KLF8: variants seen among roughly 807,000 people sequenced by gnomAD.
The protein encoded by KLF8 is KLF transcription factor 8, also known as Krueppel-like factor 8.
Under a neutral mutation model 18.2 loss-of-function variants are expected in KLF8, and 10 were observed. That is an observed-to-expected ratio of 0.55 (90% CI 0.34 to 0.93). The LOEUF (loss-of-function observed/expected upper bound fraction) is 0.93, where lower values mean the gene tolerates loss of function less well. KLF8 is among the 40% of genes least tolerant of loss of function. The pLI is 0.02. For synonymous variants in KLF8, 109 were observed against 97.3 expected (o/e 1.12, Z -0.71); for missense variants, 264 against 277.9 (o/e 0.95, Z 0.36).
chrX:56,035,874 C>G, the KLF8 span, among the ~76,000 whole-genome samples: 3 of 111,572 alleles, frequency 2.7e-5, no homozygotes, highest in Non-Finnish European at 3.8e-5. Flanking sequence ...GGATGTTGAT[C>G]CCCTGTCAGA....
chrX:56,257,768 G>A (rs757497267), intron 2 of KLF8, among the ~76,000 whole-genome samples: 39 of 112,309 alleles, frequency 3.5e-4, no homozygotes, highest in Non-Finnish European at 3.8e-5. Context: ...ATCGATGGGC[G>A]CTTACGTTGA....
Position 56,265,516 on chromosome X carries a change from A to C in KLF8, c.418A>C (p.Thr140Pro), listed in dbSNP as rs1314515814. The C allele has an allele frequency of 3.3e-6, 4 of 1,211,474 alleles. No individual in the cohort carries two copies. Among genetic ancestry groups the C allele is most frequent in the Non-Finnish European group, 4.5e-6 (4 of 895,338 alleles). The change falls in exon 3 of 6, where the codon ACC becomes CCC. Residue 140 changes from threonine (T) to proline (P), a missense_variant. By Grantham distance (38) the Thr-to-Pro change is conservative. This residue lies in a region of KLF8 where 221 missense variants were observed against 193.6 expected (regional missense o/e 1.14). Coordinates refer to ENST00000468660, the MANE Select transcript of KLF8 (RefSeq NM_007250.5). Reference protein sequence around the residue: ...STSANIPTVLTPGSVLTSSQS... With the variant: ...STSANIPTVLPPGSVLTSSQS... ...TTCAGCAAACATTCCTACTGTTCTG[A>C]CCCCAGGCTCTGTCCTGACCTCCTC...
At chrX:56,203,832 G>A in the KLF8 span, among the ~76,000 whole-genome samples, 1 of 111,472 alleles carries the variant, frequency 9.0e-6, no homozygotes, top group Non-Finnish European at 1.9e-5. Context: ...TATATGTTTA[G>A]CATAATTTGA....
the KLF8 span, among the ~76,000 whole-genome samples, chrX:56,057,415 A>AG: frequency 2.7e-5 from 3 of 111,473 alleles, no homozygotes; most frequent in Non-Finnish European, 5.7e-5. Flanking sequence ...TGACAAACCA[A>AG]GGAAAGCAAA....
the KLF8 span, among the ~76,000 whole-genome samples, chrX:55,955,201 A>G: frequency 6.3e-5 from 7 of 111,531 alleles, no homozygotes; most frequent in Non-Finnish European, 1.1e-4. Flanking sequence ...CAAATGAATG[A>G]CAAGAAGGAC....
the KLF8 span, among the ~76,000 whole-genome samples, chrX:56,135,319 A>G: frequency 1.8e-4 from 20 of 111,783 alleles, no homozygotes; most frequent in African/African-American, 5.5e-4. Context: ...CAACAATCAT[A>G]GACTGGATTA....
chrX:56,266,621 C>A (rs2066976982), intron 3 of KLF8: 1 of 748,283 alleles, frequency 1.3e-6, no homozygotes, highest in Admixed American at 8.9e-5. Flanking sequence ...AGTCTCTCTT[C>A]CACCACTATC....
chrX:56,268,780 A>C, intron 3 of KLF8: 1 of 788,451 alleles, frequency 1.3e-6, no homozygotes, highest in Non-Finnish European at 1.5e-6. Context: ...AGTTTTTAGG[A>C]ATTAGAAACA....
At chrX:56,240,187 C>T (rs897587808) in intron 1 of KLF8, among the ~76,000 whole-genome samples, 7 of 112,111 alleles carry the variant, frequency 6.2e-5, no homozygotes, top group African/African-American at 1.9e-4. Flanking sequence ...AGATGTGTAG[C>T]GTTGAATTGG....
chrX:56,098,909 A>C, the KLF8 span, among the ~76,000 whole-genome samples: 44 of 112,369 alleles, frequency 3.9e-4, no homozygotes, highest in African/African-American at 1.1e-3. Flanking sequence ...TCAACATACA[A>C]AAATCCGTTG....
the KLF8 span, among the ~76,000 whole-genome samples, chrX:56,079,322 A>G: frequency 9.0e-6 from 1 of 110,738 alleles, no homozygotes; most frequent in Non-Finnish European, 1.9e-5. Flanking sequence ...AATGCATCCC[A>G]GAGATTCTGG....
At chrX:56,222,882 C>T in the KLF8 span, among the ~76,000 whole-genome samples, 1 of 113,124 alleles carries the variant, frequency 8.8e-6, no homozygotes, top group Non-Finnish European at 1.9e-5. Context: ...ACCCGGAATT[C>T]TAGCTGGCCC....
the KLF8 span, among the ~76,000 whole-genome samples, chrX:55,977,422 A>G: frequency 9.0e-6 from 1 of 110,784 alleles, no homozygotes; most frequent in Admixed American, 9.6e-5. Context: ...TATTTATTTT[A>G]TCTTCATTCT....
chrX:56,155,156 G>A, the KLF8 span, among the ~76,000 whole-genome samples: 1 of 111,528 alleles, frequency 9.0e-6, no homozygotes, highest in African/African-American at 3.3e-5. Context: ...ACATGCTCAC[G>A]TATATTTATT....
At chrX:55,932,589 C>T in the KLF8 span, among the ~76,000 whole-genome samples, 1 of 111,680 alleles carries the variant, frequency 9.0e-6, no homozygotes, top group African/African-American at 3.3e-5. Flanking sequence ...TCAGCATTTG[C>T]TTGTCTGCAA....
the KLF8 span, among the ~76,000 whole-genome samples, chrX:55,982,658 G>A: frequency 8.9e-6 from 1 of 111,768 alleles, no homozygotes. Context: ...CCTTGAATAA[G>A]TTGCCTAACC....
the KLF8 span, among the ~76,000 whole-genome samples, chrX:56,118,141 G>A: frequency 2.7e-5 from 3 of 111,622 alleles, no homozygotes; most frequent in African/African-American, 6.5e-5. Flanking sequence ...GGCAGGAAGG[G>A]GGGACAAAAA....
the KLF8 span, among the ~76,000 whole-genome samples, chrX:55,930,655 T>C: frequency 8.9e-6 from 1 of 112,284 alleles, no homozygotes; most frequent in East Asian, 2.8e-4. Flanking sequence ...GTGGTTTTTG[T>C]CATTGGTTCT....
At chrX:56,262,523 T>G (rs192360155) in intron 2 of KLF8, among the ~76,000 whole-genome samples, 1 of 111,583 alleles carries the variant, frequency 9.0e-6, no homozygotes, top group Non-Finnish European at 1.9e-5. Flanking sequence ...AAGCTTCAGC[T>G]TTTTCAGGTT....
Sources: allele counts gnomAD v4.1 joint callset (sites outside exome capture counted in the v4.1 genomes callset), GRCh38; gene constraint gnomAD v4.1.1; regional missense constraint gnomAD v4.1.1; transcripts MANE v1.5; gene names NCBI Gene and HGNC (gene_info 2026-07-23, HGNC 2026-07-21).